PDE1B: variants seen among roughly 807,000 people sequenced by gnomAD.
PDE1B encodes the protein dual specificity calcium/calmodulin-dependent 3',5'-cyclic nucleotide phosphodiesterase 1B.
In PDE1B, 13 loss-of-function variants were observed where a neutral mutation model predicts 66.7. That is an observed-to-expected ratio of 0.19 (90% CI 0.13 to 0.31). PDE1B has a LOEUF of 0.31. Ranked by LOEUF, PDE1B falls within the 10% of genes least tolerant of loss-of-function variation. PDE1B has a pLI of 1.00. For synonymous variants in PDE1B, 230 were observed against 253.9 expected, an observed-to-expected ratio of 0.91 and a Z score of 0.90; for missense variants, 485 against 682.3, an observed-to-expected ratio of 0.71 and a Z score of 3.22.
rs1957654305 is a variant in PDE1B, at chr12:54,573,407, A to G, written c.889A>G (p.Ile297Val). 1 of 1,613,966 alleles carries G rather than the reference A, an allele frequency of 6.2e-7. No homozygotes were observed. Among genetic ancestry groups the G allele is most frequent in the Non-Finnish European group, 8.5e-7 (1 of 1,179,864 alleles). Residue 297 changes from isoleucine to valine, a missense_variant, in exon 9 of 16, where the codon ATC (isoleucine) becomes GTC (valine). Physicochemically the swap from Ile to Val is conservative, Grantham distance 29. Transcript: ENST00000243052. This position sits in a 1 kb window ranked among gnomAD's most constrained non-coding sequence, Gnocchi z 5.2. ...NDRSVLENHH[I>V]SSVFRLMQDD... ...TCGTTCAGTGCTGGAGAATCACCAC[A>G]TCAGCTCTGTTTTCCGATTGATGCA... is the stretch of plus-strand genomic sequence containing the variant.
chr12:54,556,554 T>C (rs1957344076), intron 2 of PDE1B, among the ~76,000 whole-genome samples: 1 of 152,136 alleles, frequency 6.6e-6, no homozygotes, highest in Non-Finnish European at 1.5e-5. Context: ...CAGGTCCAGA[T>C]TCCACTTCAG....
chr12:54,554,276 C>T (rs1335183324), intron 2 of PDE1B: 2 of 152,176 alleles, frequency 1.3e-5, no homozygotes, highest in African/African-American at 2.4e-5. Context: ...TGCCATTCTC[C>T]TTTTTCTGTC....
intron 2 of PDE1B, among the ~76,000 whole-genome samples, chr12:54,563,192 T>C (rs755074808): frequency 3.9e-5 from 6 of 152,132 alleles, no homozygotes; most frequent in Admixed American, 6.5e-5. Flanking sequence ...ACACTCACAG[T>C]CTCCTATGGG....
At chr12:54,576,806 T>A in intron 14 of PDE1B, 105 bp downstream of exon 14, 1 of 1,263,826 alleles carries the variant, frequency 7.9e-7, no homozygotes, top group South Asian at 1.4e-5. Flanking sequence ...TTTGCCGGAC[T>A]CCTTGATTTG....
rs975383503 is a variant in PDE1B, at chr12:54,575,026, A to T, written c.1065-72A>T. Reference sequence around the variant, plus strand: ...GTTATGTGATAGGGTGTGCGTGGGAAGTTAGGGAATGGTCCTAACTTCCTT... The same window carrying T: ...GTTATGTGATAGGGTGTGCGTGGGATGTTAGGGAATGGTCCTAACTTCCTT... On this transcript the variant is annotated intron_variant, in intron 10 of 15. Coordinates refer to ENST00000243052, the MANE Select transcript of PDE1B (RefSeq NM_000924.4). The surrounding 1 kb of genome is among the most constrained non-coding windows in gnomAD (Gnocchi z 4.0). 7.4e-7 allele frequency: 1 copy of T among 1,343,000 alleles called. No homozygotes were observed. The highest frequency in any genetic ancestry group is 1.0e-6 in the Non-Finnish European group (1 of 954,070). 83.2% of individuals were successfully genotyped at this position (1,343,000 alleles called of 1,614,324 possible). A position where few individuals can be genotyped will look rare whatever the true frequency, so the allele number is the denominator to read the frequency against.
At position 54,577,275 on chromosome 12, in the gene PDE1B, G is replaced by T. The variant is rs774116556; in HGVS notation, c.1558G>T (p.Ala520Ser). The T allele has an allele frequency of 1.2e-6, 2 of 1,613,646 alleles. No homozygotes were observed. The highest frequency in any genetic ancestry group is 2.2e-5 in the South Asian group (2 of 91,048). Residue 520 changes from alanine (A) to serine (S), a missense_variant, in exon 15 of 16, where the codon GCC (alanine) becomes TCC (serine). Around this residue, in one of 4 missense-constraint regions of PDE1B, gnomAD observed 126 missense variants for 133.8 expected, o/e 0.94. Transcript: ENST00000243052. ...CGAGCTGTCCCCCTGTGAAGAAGAG[G>T]CCCCCCCATCCCCTGCCGAAGATGA... ...IDELSPCEEE[A>S]PPSPAEDEHN...
At position 54,573,819 on chromosome 12, in the gene PDE1B, A is replaced by G; in HGVS notation, c.1064+110A>G. 1 of 757,910 alleles carries G rather than the reference A, an allele frequency of 1.3e-6. No homozygotes were observed. The highest frequency in any genetic ancestry group is 2.3e-6 in the Non-Finnish European group (1 of 426,174). The allele number at this position is 757,910 out of a possible 1,614,324, so 46.9% of individuals were successfully genotyped here. A position where few individuals can be genotyped will look rare whatever the true frequency, so the allele number is the denominator to read the frequency against. ...GCCAGGTCTTTACCTCGCTGTAGAG[A>G]CTCCACTGGCTTCAGGTATCAGACT... On this transcript the variant is annotated intron_variant, in intron 10 of 15. Coordinates refer to ENST00000243052, the MANE Select transcript of PDE1B (RefSeq NM_000924.4). This position sits in a 1 kb window ranked among gnomAD's most constrained non-coding sequence, Gnocchi z 5.2.
At chr12:54,577,689 C>T (rs568828402) in intron 15 of PDE1B, 171 bp from the exon 16 acceptor site, 58 of 819,808 alleles carry the variant, frequency 7.1e-5, no homozygotes, top group Admixed American at 1.0e-4. Context: ...GGCAGCTGAA[C>T]GTGACTTCGA....
chr12:54,556,761 G>T (rs1005217235), intron 2 of PDE1B, among the ~76,000 whole-genome samples: 3 of 152,120 alleles, frequency 2.0e-5, no homozygotes, highest in African/African-American at 7.2e-5. Flanking sequence ...TTCCACAGCT[G>T]CAGTGAGAAG....
chr12:54,572,362 G>T (rs1036620691), intron 6 of PDE1B: 5 of 568,186 alleles, frequency 8.8e-6, no homozygotes, highest in African/African-American at 3.7e-5. Flanking sequence ...TTCCAGGTAG[G>T]TGGTATTATC....
rs966663179 is a variant in PDE1B at position 54,573,764 on chromosome 12, TG to T, written c.1064+62del. ...AGGCCAGAGGGAGGGGTGTGTGAAC[TG>T]GGGGGGTATACACAAGGGTAGTTGG... On this transcript the variant is annotated intron_variant, in intron 10 of 15. Coordinates refer to ENST00000243052, the MANE Select transcript of PDE1B (RefSeq NM_000924.4). The surrounding 1 kb of genome is among the most constrained non-coding windows in gnomAD (Gnocchi z 5.2). 69 of 1,251,466 alleles carry T rather than the reference TG, an allele frequency of 5.5e-5. 1 individual carries two copies. The highest frequency in any genetic ancestry group is 2.1e-4 in the South Asian group (18 of 83,842). 77.5% of individuals were successfully genotyped at this position (1,251,466 alleles called of 1,614,324 possible).
chr12:54,550,155 GGCAT>G (rs1957255143), intron 2 of PDE1B, 170 bp downstream of exon 2: 2 of 1,429,314 alleles, frequency 1.4e-6, no homozygotes, highest in East Asian at 5.1e-5. Context: ...ACATGTGCAA[GGCAT>G]GTGCGGAGCA....
At chr12:54,561,773 T>A in intron 2 of PDE1B, 1 of 538,514 alleles carries the variant, frequency 1.9e-6, no homozygotes, top group Non-Finnish European at 3.3e-6. Context: ...TGTGTGTGTG[T>A]GTGTGTGTGC....
chr12:54,563,857 G>A (rs946921058), intron 2 of PDE1B, among the ~76,000 whole-genome samples: 5 of 152,226 alleles, frequency 3.3e-5, no homozygotes, highest in African/African-American at 1.2e-4. Flanking sequence ...TTTTAAAAAT[G>A]CAGATTGGGT....
chr12:54,571,943 C>T (rs1957623421), intron 6 of PDE1B: 1 of 152,440 alleles, frequency 6.6e-6, no homozygotes, highest in South Asian at 2.1e-4. Flanking sequence ...AGGGACAGAT[C>T]ACCAGTCCTG....
At chr12:54,562,454 A>G (rs1203772518) in intron 2 of PDE1B, among the ~76,000 whole-genome samples, 1 of 152,158 alleles carries the variant, frequency 6.6e-6, no homozygotes, top group Non-Finnish European at 1.5e-5. Context: ...AGTTGGGGGA[A>G]GCTGCCAGTT....
Position 54,569,687 on chromosome 12 carries a change from A to T in PDE1B, c.477+75A>T. On this transcript the variant is annotated intron_variant, in intron 5 of 15. Coordinates refer to ENST00000243052, the MANE Select transcript of PDE1B (RefSeq NM_000924.4). This position sits in a 1 kb window ranked among gnomAD's most constrained non-coding sequence, Gnocchi z 4.4. ...CCACTGGGACTTCTAGACCCTGTTT[A>T]TGGCATTATTTTTGCCTTCCTTTTT... The T allele has an allele frequency of 1.0e-6, 1 of 984,422 alleles. No homozygotes were observed. The highest frequency in any genetic ancestry group is 1.6e-6 in the Non-Finnish European group (1 of 627,030). The allele number at this position is 984,422 out of a possible 1,614,324, so 61.0% of individuals were successfully genotyped here.
Position 54,572,557 on chromosome 12 carries a change from C to A in PDE1B, c.595-44C>A, listed in dbSNP as rs373671275. The stretch of plus-strand genomic sequence containing the variant: ...TCTCGGTCCGTAATCACCACCATTC[C>A]TGTGGATCCTTGATATATCTCCATT... On this transcript the variant is annotated intron_variant, in intron 6 of 15. Coordinates refer to ENST00000243052, the MANE Select transcript of PDE1B (RefSeq NM_000924.4). 15 of 1,572,092 alleles carry A rather than the reference C, an allele frequency of 9.5e-6. No homozygotes were observed. In the African/African-American group the frequency reaches 1.8e-4, roughly 19 times the overall value.
At chr12:54,561,671 G>A in intron 2 of PDE1B, 1 of 1,486,124 alleles carries the variant, frequency 6.7e-7, no homozygotes, top group South Asian at 1.2e-5. Context: ...GAAGGGGGAG[G>A]AGGGAAAGGA....
Sources: gnomAD v4.1 joint callset for allele counts (sites outside exome capture counted in the v4.1 genomes callset) on GRCh38, gnomAD v4.1.1 for gene constraint, gnomAD v4.1.1 regional missense constraint, Gnocchi (gnomAD v3.1) non-coding constraint, MANE v1.5 for transcripts, NCBI Gene and HGNC (gene_info 2026-07-23, HGNC 2026-07-21) for gene names.